ASPH: variants seen among roughly 807,000 people sequenced by gnomAD.
The protein encoded by ASPH is aspartyl/asparaginyl beta-hydroxylase.
In ASPH, 100 loss-of-function variants were observed where a neutral mutation model predicts 118.4. The ratio of observed to expected loss-of-function variants is 0.84; its 90% CI spans 0.72 to 1.00. The LOEUF is 1.00. Ranked by LOEUF, ASPH falls within the 50% of genes least tolerant of loss-of-function variation. The pLI, the probability that ASPH is intolerant of heterozygous loss-of-function variation, is 0.00. For missense variants in ASPH, 920 were observed against 919.5 expected (o/e 1.00, Z -0.01); for synonymous variants, 315 against 325.6 (o/e 0.97, Z 0.35).
At chr8:61,606,253 C>T (rs1412398518) in intron 14 of ASPH, among the ~76,000 whole-genome samples, 3 of 152,194 alleles carry the variant, frequency 2.0e-5, no homozygotes, top group Non-Finnish European at 4.4e-5. Context: ...GCAATTAATG[C>T]TACTTCCACC....
At chr8:61,592,329 C>T (rs1841390405) in intron 14 of ASPH, among the ~76,000 whole-genome samples, 1 of 152,268 alleles carries the variant, frequency 6.6e-6, no homozygotes, top group Middle Eastern at 3.4e-3. Context: ...AATGTTTAAG[C>T]AGTTAATTTT....
At chr8:61,693,169 C>T (rs1833072187) in intron 1 of ASPH, among the ~76,000 whole-genome samples, 1 of 152,064 alleles carries the variant, frequency 6.6e-6, no homozygotes, top group Non-Finnish European at 1.5e-5. Flanking sequence ...TCCCTGTGGC[C>T]AGCTAGACAG....
At chr8:61,689,713 A>T (rs1004703229) in intron 1 of ASPH, 3 of 1,575,614 alleles carry the variant, frequency 1.9e-6, no homozygotes, top group Non-Finnish European at 2.6e-6. Context: ...TCCATGAATA[A>T]TAAATGCTAA....
rs546864903 is a variant in ASPH, at chr8:61,552,021, G to A, written c.1626+1010C>T. ...GTTCATGTTCCTAGCAGACAATTACGTTATCACAAACCCCTTCACTTCTCT... is the reference window on the plus strand; with the variant it reads ...GTTCATGTTCCTAGCAGACAATTACATTATCACAAACCCCTTCACTTCTCT... On this transcript the variant is annotated intron_variant, in intron 20 of 24. Coordinates refer to ENST00000379454, the MANE Select transcript of ASPH (RefSeq NM_004318.4). Among the ~76,000 whole-genome samples the A allele has an allele frequency of 5.3e-5, 8 of 152,268 alleles. No individual in the cohort carries two copies. In the South Asian group the frequency reaches 1.5e-3, roughly 28 times the overall value.
At chr8:61,707,762 GT>G (rs1424534297) in intron 1 of ASPH, among the ~76,000 whole-genome samples, 1 of 152,192 alleles carries the variant, frequency 6.6e-6, no homozygotes, top group Non-Finnish European at 1.5e-5. Flanking sequence ...AAGAACTGGA[GT>G]TTGGAGGAAT....
chr8:61,633,754 T>G, intron 12 of ASPH, 27 bp from the exon 13 acceptor site: 1 of 1,511,540 alleles, frequency 6.6e-7, no homozygotes, highest in Non-Finnish European at 9.1e-7. Context: ...AGTTATAATC[T>G]GTTACATATT....
At position 61,585,575 on chromosome 8, in the gene ASPH, C is replaced by G. The variant is rs764928850; in HGVS notation, c.977-1546G>C. ...ATGTCTATTCACTCTCAGCATCTCTCGTGTGCCCCCTGGTGGGAATTTAAT... is the reference window on the plus strand; with the variant it reads ...ATGTCTATTCACTCTCAGCATCTCTGGTGTGCCCCCTGGTGGGAATTTAAT... On this transcript the variant is annotated intron_variant, in intron 14 of 24. Coordinates refer to ENST00000379454, the MANE Select transcript of ASPH (RefSeq NM_004318.4). Among the ~76,000 whole-genome samples the G allele has an allele frequency of 2.8e-5, 3 of 105,332 alleles. No individual in the cohort carries two copies. The East Asian group carries it at 6.7e-4, about 24-fold the overall frequency. 69.1% of individuals were successfully genotyped at this position (105,332 alleles called of 152,430 possible).
At chr8:61,625,431 A>G (rs935458498) in intron 13 of ASPH, 11 of 985,318 alleles carry the variant, frequency 1.1e-5, no homozygotes, top group Non-Finnish European at 1.3e-5. Context: ...TCTTTAAGTT[A>G]TGCACCAGTA....
At chr8:61,654,025 G>A (rs1812399835) in intron 3 of ASPH, among the ~76,000 whole-genome samples, 1 of 152,116 alleles carries the variant, frequency 6.6e-6, no homozygotes, top group African/African-American at 2.4e-5. Context: ...CAGCAATGAG[G>A]CAACTAAAAT....
chr8:61,676,417 A>G (rs1009191172), intron 3 of ASPH: 125 of 1,091,520 alleles, frequency 1.1e-4, no homozygotes, highest in Non-Finnish European at 6.3e-5. Context: ...AGGTGCATCA[A>G]GGTCAGAGAG....
At chr8:61,701,164 G>A (rs1835160026) in intron 1 of ASPH, among the ~76,000 whole-genome samples, 1 of 152,160 alleles carries the variant, frequency 6.6e-6, no homozygotes, top group Non-Finnish European at 1.5e-5. Context: ...TAAATAGTAA[G>A]ATATTGGCTG....
chr8:61,586,573 C>T (rs939209513), intron 14 of ASPH, among the ~76,000 whole-genome samples: 2 of 152,192 alleles, frequency 1.3e-5, no homozygotes, highest in African/African-American at 4.8e-5. Context: ...CTGCGCCAGT[C>T]GCCCGGCCAC....
At chr8:61,552,205 C>T (rs1464145262) in intron 20 of ASPH, among the ~76,000 whole-genome samples, 1 of 152,180 alleles carries the variant, frequency 6.6e-6, no homozygotes, top group Non-Finnish European at 1.5e-5. Context: ...TAAGGAGAGC[C>T]CAGCTCTCAC....
intron 15 of ASPH, among the ~76,000 whole-genome samples, chr8:61,581,813 A>G (rs1333760871): frequency 6.6e-6 from 1 of 152,226 alleles, no homozygotes; most frequent in Non-Finnish European, 1.5e-5. Context: ...ATAAGCAAAT[A>G]TATTTCAGTA....
At chr8:61,596,996 T>A (rs1842670667) in intron 14 of ASPH, among the ~76,000 whole-genome samples, 1 of 151,290 alleles carries the variant, frequency 6.6e-6, no homozygotes, top group African/African-American at 2.4e-5. Context: ...CACAAAAAAA[T>A]TAAGAAAATA....
intron 24 of ASPH, 138 bp downstream of exon 24, chr8:61,517,390 G>C: frequency 8.0e-7 from 1 of 1,257,716 alleles, no homozygotes; most frequent in Admixed American, 2.4e-5. Context: ...ATAGACTTAA[G>C]AGTTTGGATT....
chr8:61,536,665 G>A (rs1819739114), intron 21 of ASPH, among the ~76,000 whole-genome samples: 1 of 152,164 alleles, frequency 6.6e-6, no homozygotes, highest in African/African-American at 2.4e-5. Flanking sequence ...GAAGCCTTCA[G>A]TTATTAATCA....
chr8:61,684,149 C>T lies in ASPH; in HGVS notation c.143G>A (p.Gly48Glu), dbSNP rs772339597. 1 of 1,613,424 alleles carries T rather than the reference C, an allele frequency of 6.2e-7. No homozygotes were observed. The highest frequency in any genetic ancestry group is 8.5e-7 in the Non-Finnish European group (1 of 1,179,672). The change falls in exon 2 of 25, where the codon GGA (glycine) becomes GAA (glutamate). Residue 48 changes from glycine to glutamate, a missense_variant. By Grantham distance (98) the Gly-to-Glu change is moderately conservative. Coordinates refer to ENST00000379454, the MANE Select transcript of ASPH (RefSeq NM_004318.4). ...HGGHKNGRKG[G>E]LSGTSFFTWF... ...CGTGAAGAATGAAGTTCCTGAGAGT[C>T]CGCCTTTCCTCCCATTCTTGTGTCC...
At chr8:61,579,044 G>A in intron 15 of ASPH, 1 of 1,610,796 alleles carries the variant, frequency 6.2e-7, no homozygotes, top group Non-Finnish European at 8.5e-7. Flanking sequence ...ACCAAAGACG[G>A]GCTGAGGCTG....
Sources: allele counts gnomAD v4.1 joint callset (sites outside exome capture counted in the v4.1 genomes callset), GRCh38; gene constraint gnomAD v4.1.1; transcripts MANE v1.5; gene names NCBI Gene and HGNC (gene_info 2026-07-23, HGNC 2026-07-21).